CAST: variants seen among roughly 807,000 people sequenced by gnomAD.
CAST encodes the protein calpastatin, also known as MIR583 host.
A neutral mutation model predicts 119.6 loss-of-function variants in CAST; 76 were observed. That is an observed-to-expected ratio of 0.64 (90% confidence interval 0.53 to 0.77). The LOEUF is 0.77. Among genes scored for constraint, CAST ranks in the 30% least tolerant of loss-of-function variants. The pLI is 0.00. For missense variants in CAST, 953 were observed against 946.5 expected, an observed-to-expected ratio of 1.01 and a Z score of -0.09; for synonymous variants, 319 against 331.6, an observed-to-expected ratio of 0.96 and a Z score of 0.41.
chr5:96,041,950 C>T, the CAST span, among the ~76,000 whole-genome samples: 21 of 152,254 alleles, frequency 1.4e-4, 1 homozygote, highest in South Asian at 4.4e-3. Flanking sequence ...ATTTGCCTCT[C>T]CTTTGCCACA....
chr5:96,639,120 A>G (rs1262766640), intron 1 of CAST, among the ~76,000 whole-genome samples: 2 of 152,202 alleles, frequency 1.3e-5, no homozygotes, highest in Non-Finnish European at 2.9e-5. Context: ...TCCTATTTCT[A>G]GACTTACTCA....
At chr5:96,617,878 A>AT (rs1747501564) in intron 1 of CAST, among the ~76,000 whole-genome samples, 1 of 139,380 alleles carries the variant, frequency 7.2e-6, no homozygotes, top group Non-Finnish European at 1.5e-5. Context: ...GGTTATTCTA[A>AT]TTTTTTAAGC....
the CAST span, among the ~76,000 whole-genome samples, chr5:96,010,823 G>T: frequency 6.6e-6 from 1 of 152,070 alleles, no homozygotes; most frequent in East Asian, 1.9e-4. Flanking sequence ...TCACTGTCTT[G>T]ATTGGCTGTA....
At chr5:96,548,390 C>A (rs263375) in intron 1 of CAST, among the ~76,000 whole-genome samples, 44,229 of 151,874 alleles carry the variant, frequency 0.29, 7,018 homozygotes, top group Middle Eastern at 0.39. Context: ...ATAGATCAAC[C>A]AATACTCTAG....
intron 2 of CAST, among the ~76,000 whole-genome samples, chr5:96,689,542 CACAT>C (rs910047180): frequency 3.3e-5 from 5 of 152,166 alleles, no homozygotes; most frequent in Non-Finnish European, 5.9e-5. Flanking sequence ...AAATAGCTAA[CACAT>C]AAATAGGCAT....
At chr5:96,373,115 C>A in the CAST span, among the ~76,000 whole-genome samples, 2 of 152,110 alleles carry the variant, frequency 1.3e-5, no homozygotes, top group Non-Finnish European at 2.9e-5. Flanking sequence ...ATTTGACAGG[C>A]AGGATTGTCT....
At chr5:96,537,342 T>A (rs1328689750) in intron 1 of CAST, among the ~76,000 whole-genome samples, 2 of 152,226 alleles carry the variant, frequency 1.3e-5, no homozygotes, top group Non-Finnish European at 2.9e-5. Flanking sequence ...TCTGAACACA[T>A]TTTACTAAAG....
chr5:96,096,969 C>G, the CAST span, among the ~76,000 whole-genome samples: 7 of 152,120 alleles, frequency 4.6e-5, no homozygotes, highest in African/African-American at 1.7e-4. Flanking sequence ...TAAAGATCAT[C>G]GAAATTCTCC....
At chr5:96,694,909 A>G (rs1456240832) in intron 2 of CAST, among the ~76,000 whole-genome samples, 1 of 152,214 alleles carries the variant, frequency 6.6e-6, no homozygotes, top group Non-Finnish European at 1.5e-5. Context: ...TACTAAACAT[A>G]CTATTTTATA....
At chr5:95,995,357 C>T in the CAST span, among the ~76,000 whole-genome samples, 2 of 152,066 alleles carry the variant, frequency 1.3e-5, no homozygotes, top group Non-Finnish European at 2.9e-5. Context: ...TGGTAAGAAT[C>T]AATAGTTACC....
chr5:96,732,391 T>C (rs1310782653), intron 9 of CAST, among the ~76,000 whole-genome samples: 15 of 124,734 alleles, frequency 1.2e-4, no homozygotes, highest in African/African-American at 4.3e-4. Context: ...TCATTGTAGA[T>C]TCTGGATATT....
the CAST span, among the ~76,000 whole-genome samples, chr5:96,368,016 C>A: frequency 1.3e-5 from 2 of 152,026 alleles, no homozygotes; most frequent in African/African-American, 2.4e-5. Context: ...CCTTCTCACC[C>A]ACTTACATAA....
At chr5:96,092,466 T>A in the CAST span, among the ~76,000 whole-genome samples, 1 of 152,204 alleles carries the variant, frequency 6.6e-6, no homozygotes, top group Admixed American at 6.5e-5. Flanking sequence ...CATCCTCAAC[T>A]CTTCCCCTTC....
At chr5:96,039,526 TA>T in the CAST span, among the ~76,000 whole-genome samples, 1 of 152,106 alleles carries the variant, frequency 6.6e-6, no homozygotes, top group Non-Finnish European at 1.5e-5. Flanking sequence ...TTAAGTCTTT[TA>T]TCCATCTTGA....
chr5:96,331,355 A>G, the CAST span, among the ~76,000 whole-genome samples: 3 of 152,244 alleles, frequency 2.0e-5, no homozygotes, highest in African/African-American at 7.2e-5. Context: ...AGGTAGGAGA[A>G]GATGACAAAG....
At chr5:96,017,387 T>C in the CAST span, among the ~76,000 whole-genome samples, 1 of 152,370 alleles carries the variant, frequency 6.6e-6, no homozygotes, top group Non-Finnish European at 1.5e-5. Flanking sequence ...ATTTCTTAAG[T>C]AAGGTCTTTC....
chr5:96,743,546 T>G (rs1763116488), intron 16 of CAST: 1 of 1,542,354 alleles, frequency 6.5e-7, no homozygotes. Context: ...TGCTGTCACT[T>G]CCTGTTCTGA....
the CAST span, among the ~76,000 whole-genome samples, chr5:96,093,949 T>G: frequency 6.6e-6 from 1 of 152,202 alleles, no homozygotes; most frequent in South Asian, 2.1e-4. Context: ...CTGATTGCTC[T>G]ACTAGAACCT....
chr5:96,061,527 T>C, the CAST span, among the ~76,000 whole-genome samples: 2 of 152,222 alleles, frequency 1.3e-5, no homozygotes, highest in African/African-American at 4.8e-5. Flanking sequence ...GACTCACAGA[T>C]GAATTGATCT....
Sources: allele counts gnomAD v4.1 joint callset (sites outside exome capture counted in the v4.1 genomes callset), GRCh38; gene constraint gnomAD v4.1.1; transcripts MANE v1.5; gene names NCBI Gene and HGNC (gene_info 2026-07-23, HGNC 2026-07-21).